FOXK1: variants seen among roughly 807,000 people sequenced by gnomAD.
The protein encoded by FOXK1 is forkhead box K1.
A neutral mutation model predicts 51.9 loss-of-function variants in FOXK1; 19 were observed. The ratio of observed to expected loss-of-function variants is 0.37; its 90% CI spans 0.26 to 0.54. FOXK1 has a LOEUF of 0.54. Among genes scored for constraint, FOXK1 ranks in the 20% least tolerant of loss-of-function variants. The pLI is 0.87. For missense variants in FOXK1, 870 were observed against 1,032.7 expected (o/e 0.84, Z 2.16); for synonymous variants, 537 against 482.6 (o/e 1.11, Z -1.48).
intron 1 of FOXK1, among the ~76,000 whole-genome samples, chr7:4,708,791 T>C (rs1780137373): frequency 6.6e-6 from 1 of 152,244 alleles, no homozygotes; most frequent in Middle Eastern, 3.4e-3. Flanking sequence ...AAGGCCGGGC[T>C]TGGTGGCTCA....
At chr7:4,757,308 G>A in intron 5 of FOXK1, 121 bp downstream of exon 5, 1 of 863,004 alleles carries the variant, frequency 1.2e-6, no homozygotes, top group Non-Finnish European at 1.8e-6. Context: ...GTACGGGCAT[G>A]CAACTGATCA....
chr7:4,745,571 A>G lies in FOXK1; in HGVS notation c.746+4548A>G, dbSNP rs1361218104. On this transcript the variant is annotated intron_variant, in intron 2 of 8. Coordinates refer to ENST00000328914, the MANE Select transcript of FOXK1 (RefSeq NM_001037165.2). The surrounding 1 kb of genome is among the most constrained non-coding windows in gnomAD (Gnocchi z 4.3). ...CTTTGAAATAAATTCTGCTATCTTT[A>G]GCAGAAGTTTGACCTTTTCTTTCCT... Among the ~76,000 whole-genome samples the G allele has an allele frequency of 6.6e-6, 1 of 152,114 alleles. No individual in the cohort carries two copies. The highest frequency in any genetic ancestry group is 1.5e-5 in the Non-Finnish European group (1 of 68,030).
At chr7:4,744,459 C>T (rs974421615) in intron 2 of FOXK1, among the ~76,000 whole-genome samples, 2 of 152,180 alleles carry the variant, frequency 1.3e-5, no homozygotes, top group South Asian at 2.1e-4. Context: ...TTCCTGTTCC[C>T]GGGTACCCAC....
Position 4,759,575 on chromosome 7 carries a change from A to C in FOXK1, c.1676A>C (p.Asp559Ala). The C allele has an allele frequency of 6.5e-7, 1 of 1,537,380 alleles. No individual in the cohort carries two copies. The highest frequency in any genetic ancestry group is 1.2e-5 in the South Asian group (1 of 84,100). Residue 559 changes from aspartate to alanine, a missense_variant, in exon 7 of 9, where the codon GAC becomes GCC. By Grantham distance (126) the Asp-to-Ala change is moderately radical. This residue lies in a region of FOXK1 where 457 missense variants were observed against 510.8 expected (regional missense o/e 0.89). Coordinates refer to ENST00000328914, the MANE Select transcript of FOXK1 (RefSeq NM_001037165.2). ...GATGCGGCGGGCGCAGCCGTGCTGGACCTGGGCAGCGAGGCCAGAGGTAAT... is the reference window on the plus strand; with the variant it reads ...GATGCGGCGGGCGCAGCCGTGCTGGCCCTGGGCAGCGAGGCCAGAGGTAAT... ...SHDAAGAAVL[D>A]LGSEARGLEE...
rs142842532 is a variant in FOXK1 at position 4,682,738 on chromosome 7, A to G, written c.430A>G (p.Ile144Val). Residue 144 changes from isoleucine to valine, a missense_variant, in exon 1 of 9, where the codon ATC becomes GTC. Ile to Val is a conservative substitution (Grantham distance 29). Transcript: ENST00000328914. This position sits in a 1 kb window ranked among gnomAD's most constrained non-coding sequence, Gnocchi z 7.6. ...VDLSMGLSSF[I>V]SRRHLQLSFQ... ...CTTGAGCATGGGCCTGTCCAGCTTC[A>G]TCTCGCGGCGCCACCTGCAGCTCAG... 14 of 1,603,260 alleles carry G rather than the reference A, an allele frequency of 8.7e-6. No homozygotes were observed. In the African/African-American group the frequency reaches 1.9e-4, roughly 22 times the overall value.
rs533434328 is a variant in FOXK1, at chr7:4,702,067, C to G, written c.560+19199C>G. ...TCCAGCCTAGGCAACAGAGCAAGAC[C>G]CTGTCTCAAAAAAAACCCCAAAAAG... On this transcript the variant is annotated intron_variant, in intron 1 of 8. Coordinates refer to ENST00000328914, the MANE Select transcript of FOXK1 (RefSeq NM_001037165.2). Among the ~76,000 whole-genome samples, 7 of 152,142 alleles carry G rather than the reference C, an allele frequency of 4.6e-5. No homozygotes were observed. In the South Asian group the frequency reaches 6.2e-4, roughly 14 times the overall value.
chr7:4,740,157 G>A (rs1189194887), intron 1 of FOXK1, among the ~76,000 whole-genome samples: 3 of 152,174 alleles, frequency 2.0e-5, no homozygotes, highest in Non-Finnish European at 4.4e-5. Context: ...TTGGCCAGGC[G>A]CGGTGGCTCA....
rs1779782240 is a variant in FOXK1, at chr7:4,683,664, C to T, written c.560+796C>T. ...ACCCCCGACCCCCACCAGCCAGGGC[C>T]TCAAGTCACCCCAGTGCCTGATGCC... On this transcript the variant is annotated intron_variant, in intron 1 of 8. Coordinates refer to ENST00000328914, the MANE Select transcript of FOXK1 (RefSeq NM_001037165.2). The surrounding 1 kb of genome is among the most constrained non-coding windows in gnomAD (Gnocchi z 4.5). Among the ~76,000 whole-genome samples the T allele has an allele frequency of 6.6e-6, 1 of 152,100 alleles. No individual in the cohort carries two copies. Among genetic ancestry groups the T allele is most frequent in the South Asian group, 2.1e-4 (1 of 4,822 alleles).
chr7:4,762,622 C>T lies in FOXK1; in HGVS notation c.*158C>T, dbSNP rs750650034. On this transcript the variant is annotated 3_prime_UTR_variant, in exon 9 of 9. Transcript: ENST00000328914. The surrounding 1 kb of genome is among the most constrained non-coding windows in gnomAD (Gnocchi z 5.7). The stretch of plus-strand genomic sequence containing the variant: ...ACACACCCAGCCCTTTCCATTTGAT[C>T]GCCTGCCTTCCCGTGGTTTAAGACA... 43 of 654,796 alleles carry T rather than the reference C, an allele frequency of 6.6e-5. No homozygotes were observed. Among genetic ancestry groups the T allele is most frequent in the Non-Finnish European group, 9.2e-5 (36 of 389,216 alleles). The allele number at this position is 654,796 out of a possible 1,614,324, so 40.6% of individuals were successfully genotyped here. A position where few individuals can be genotyped will look rare whatever the true frequency, so the allele number is the denominator to read the frequency against.
chr7:4,742,258 C>G (rs1463156936), intron 2 of FOXK1, among the ~76,000 whole-genome samples: 1 of 152,234 alleles, frequency 6.6e-6, no homozygotes, highest in Non-Finnish European at 1.5e-5. Flanking sequence ...ATCTGTGAAG[C>G]ACGCTCTGGG....
intron 1 of FOXK1, among the ~76,000 whole-genome samples, chr7:4,688,266 TAAAAA>T (rs34515938): frequency 1.5e-5 from 2 of 135,538 alleles, no homozygotes; most frequent in Non-Finnish European, 3.2e-5. Context: ...TAAGAATTCT[TAAAAA>T]AAAAAAAAAA....
At chr7:4,696,464 G>A (rs1032367899) in intron 1 of FOXK1, among the ~76,000 whole-genome samples, 5 of 152,178 alleles carry the variant, frequency 3.3e-5, no homozygotes, top group Non-Finnish European at 5.9e-5. Flanking sequence ...CCCGTCACAC[G>A]GTTGTACCAG....
chr7:4,686,255 G>C (rs1779816226), intron 1 of FOXK1, among the ~76,000 whole-genome samples: 1 of 152,066 alleles, frequency 6.6e-6, no homozygotes, highest in Admixed American at 6.6e-5. Flanking sequence ...ATGTTGTGTT[G>C]GTGCCCACAC....
At chr7:4,719,862 C>T (rs187791895) in intron 1 of FOXK1, among the ~76,000 whole-genome samples, 133 of 152,264 alleles carry the variant, frequency 8.7e-4, no homozygotes, top group African/African-American at 2.9e-3. Flanking sequence ...GTTTTGTCCT[C>T]GTTCTAATTG....
At chr7:4,686,869 G>T (rs1168353506) in intron 1 of FOXK1, among the ~76,000 whole-genome samples, 2 of 150,484 alleles carry the variant, frequency 1.3e-5, no homozygotes, top group East Asian at 3.9e-4. Flanking sequence ...GGGGAGGGGG[G>T]TGAGGTGTGT....
In FOXK1 at chr7:4,762,653, A is replaced by G. The variant is rs192743743; in HGVS notation, c.*189A>G. ...CCTTCCCGTGGTTTAAGACAAAAAC[A>G]CATAAACAAGTTCAGACAACTGATT... On this transcript the variant is annotated 3_prime_UTR_variant, in exon 9 of 9. Transcript: ENST00000328914. This position sits in a 1 kb window ranked among gnomAD's most constrained non-coding sequence, Gnocchi z 5.7. The G allele has an allele frequency of 6.7e-6, 4 of 597,858 alleles. No homozygotes were observed. The African/African-American group carries it at 7.5e-5, about 11-fold the overall frequency. 37.0% of individuals were successfully genotyped at this position (597,858 alleles called of 1,614,324 possible).
At chr7:4,759,817 G>A (rs1361916188) in intron 7 of FOXK1, 2 of 607,760 alleles carry the variant, frequency 3.3e-6, no homozygotes, top group Non-Finnish European at 5.6e-6. Context: ...GATTACTTGA[G>A]GTCCGGAGTT....
At chr7:4,689,397 A>G (rs1779864902) in intron 1 of FOXK1, among the ~76,000 whole-genome samples, 1 of 152,284 alleles carries the variant, frequency 6.6e-6, no homozygotes, top group African/African-American at 2.4e-5. Flanking sequence ...CAGCCTCTGC[A>G]TATGTGCCAG....
chr7:4,716,082 G>A (rs1029648845), intron 1 of FOXK1, among the ~76,000 whole-genome samples: 16 of 152,102 alleles, frequency 1.1e-4, no homozygotes, highest in Admixed American at 2.6e-4. Flanking sequence ...TTAGACAGGC[G>A]TGGTGGTGGG....
Sources: gnomAD v4.1 joint callset for allele counts (sites outside exome capture counted in the v4.1 genomes callset) on GRCh38, gnomAD v4.1.1 for gene constraint, gnomAD v4.1.1 regional missense constraint, Gnocchi (gnomAD v3.1) non-coding constraint, MANE v1.5 for transcripts, NCBI Gene and HGNC (gene_info 2026-07-23, HGNC 2026-07-21) for gene names.